Variants in LINGO2 observed in about 807,000 individuals in gnomAD.
LINGO2 encodes leucine-rich repeat and immunoglobulin-like domain-containing nogo receptor-interacting protein 2.
In LINGO2, 14 loss-of-function variants were observed where a neutral mutation model predicts 30.6. The ratio of observed to expected loss-of-function variants is 0.46; its 90% confidence interval spans 0.30 to 0.72. LINGO2 has a LOEUF of 0.72. Among genes scored for constraint, LINGO2 ranks in the 30% least tolerant of loss-of-function variants. The probability of loss-of-function intolerance (pLI) is 0.07; values close to 1 mark genes in which losing one functional copy is unlikely to be tolerated. For missense variants in LINGO2, 729 were observed against 751.7 expected (o/e 0.97, Z 0.35); for synonymous variants, 317 against 288.5 (o/e 1.10, Z -1.00).
At chr9:28,551,907 TA>T (rs1172689949) in intron 1 of LINGO2, among the ~76,000 whole-genome samples, 1 of 152,080 alleles carries the variant, frequency 6.6e-6, no homozygotes, top group African/African-American at 2.4e-5. Flanking sequence ...CATATTGATA[TA>T]AGCACTATTT....
the LINGO2 span, among the ~76,000 whole-genome samples, chr9:28,762,280 T>C: frequency 1.3e-5 from 2 of 152,072 alleles, no homozygotes; most frequent in African/African-American, 4.8e-5. Context: ...GGAGACGTAT[T>C]TATAAAGATA....
intron 2 of LINGO2, among the ~76,000 whole-genome samples, chr9:28,401,246 T>A (rs76200264): frequency 0.033 from 4,947 of 152,124 alleles, 102 homozygotes; most frequent in Middle Eastern, 0.054. Flanking sequence ...ACCATGCTGG[T>A]TTGCTGCACC....
chr9:27,996,488 T>C (rs747596983), intron 5 of LINGO2, among the ~76,000 whole-genome samples: 1 of 152,152 alleles, frequency 6.6e-6, no homozygotes, highest in East Asian at 1.9e-4. Context: ...GTAACATAGA[T>C]GGAACTGGAG....
intron 1 of LINGO2, among the ~76,000 whole-genome samples, chr9:28,523,593 G>T (rs989640240): frequency 6.6e-6 from 1 of 151,890 alleles, no homozygotes; most frequent in African/African-American, 2.4e-5. Context: ...AAAGTTGTAG[G>T]ACACAAGATC....
the LINGO2 span, among the ~76,000 whole-genome samples, chr9:28,850,519 A>G: frequency 6.6e-6 from 1 of 151,952 alleles, no homozygotes; most frequent in Non-Finnish European, 1.5e-5. Context: ...TCCATGAACT[A>G]TGGACAAAAA....
chr9:27,985,592 GA>G (rs932395908), intron 5 of LINGO2, among the ~76,000 whole-genome samples: 1 of 134,254 alleles, frequency 7.4e-6, no homozygotes, highest in African/African-American at 3.3e-5. Flanking sequence ...CAAAACACAA[GA>G]AAAAGTGTAG....
chr9:28,934,515 G>A, the LINGO2 span, among the ~76,000 whole-genome samples: 85 of 152,236 alleles, frequency 5.6e-4, no homozygotes, highest in African/African-American at 2.0e-3. Flanking sequence ...ATTTCATGCT[G>A]AGTATGATAA....
Position 28,085,832 on chromosome 9 carries a change from C to T in LINGO2, c.-86-73427G>A, listed in dbSNP as rs115799127. ...ATGAAGGGAGGCAAAGAAAGGGACG[C>T]TGGTGAGGTATTTTACTGGGCGGTA... is the stretch of plus-strand genomic sequence containing the variant. On this transcript the variant is annotated intron_variant, in intron 4 of 5. Transcript: ENST00000379992. Among the ~76,000 whole-genome samples the T allele has an allele frequency of 2.0e-3, 298 of 152,062 alleles. 1 individual carries two copies. The highest frequency in any genetic ancestry group is 6.9e-3 in the African/African-American group (285 of 41,518).
At chr9:29,135,122 A>C in the LINGO2 span, among the ~76,000 whole-genome samples, 2 of 152,198 alleles carry the variant, frequency 1.3e-5, no homozygotes, top group South Asian at 4.1e-4. Flanking sequence ...AACTCTTCAT[A>C]GCTACTGTAT....
At chr9:29,028,468 G>A in the LINGO2 span, among the ~76,000 whole-genome samples, 1 of 151,276 alleles carries the variant, frequency 6.6e-6, no homozygotes, top group Admixed American at 6.6e-5. Context: ...GACAGAGAGA[G>A]AGAGAGAAAC....
At chr9:28,569,743 T>G (rs937422564) in intron 1 of LINGO2, among the ~76,000 whole-genome samples, 2 of 151,922 alleles carry the variant, frequency 1.3e-5, no homozygotes, top group Admixed American at 6.6e-5. Context: ...TCTATGATAA[T>G]TGTATAAATA....
the LINGO2 span, among the ~76,000 whole-genome samples, chr9:28,839,032 G>T: frequency 6.6e-6 from 1 of 152,202 alleles, no homozygotes; most frequent in Non-Finnish European, 1.5e-5. Flanking sequence ...AGGGAATGAG[G>T]TGGCGCCTGG....
chr9:29,056,416 G>A, the LINGO2 span, among the ~76,000 whole-genome samples: 1 of 151,998 alleles, frequency 6.6e-6, no homozygotes, highest in African/African-American at 2.4e-5. Flanking sequence ...GTCTATTAAT[G>A]TCCTTAACCC....
intron 1 of LINGO2, among the ~76,000 whole-genome samples, chr9:28,575,141 C>G (rs937566378): frequency 6.6e-6 from 1 of 152,114 alleles, no homozygotes; most frequent in Non-Finnish European, 1.5e-5. Flanking sequence ...TGGTGGCTCA[C>G]GCCTGTAATC....
At chr9:28,631,668 C>G in intron 1 of LINGO2, among the ~76,000 whole-genome samples, 1 of 151,950 alleles carries the variant, frequency 6.6e-6, no homozygotes. Flanking sequence ...CTTGAGGAGT[C>G]CTTAGGTACA....
Position 28,531,065 on chromosome 9 carries a change from A to ATAAT in LINGO2, c.-364-55041_-364-55040insATTA, listed in dbSNP as rs202207606. 1.8e-3 allele frequency among the ~76,000 whole-genome samples: 272 copies of ATAAT among 147,128 alleles called. 3 individuals are homozygous for ATAAT. Among genetic ancestry groups the ATAAT allele is most frequent in the African/African-American group, 6.4e-3 (257 of 39,846 alleles). ...TAAAAATAAATATATATATATATATAATATATAAAATTCCAAATTAATAAG... is the reference window on the plus strand; with the variant it reads ...TAAAAATAAATATATATATATATATATAATATATATAAAATTCCAAATTAATAAG... On this transcript the variant is annotated intron_variant, in intron 1 of 5. Transcript: ENST00000379992.
At chr9:28,316,143 TTAA>T (rs1824837241) in intron 3 of LINGO2, among the ~76,000 whole-genome samples, 1 of 152,130 alleles carries the variant, frequency 6.6e-6, no homozygotes, top group Non-Finnish European at 1.5e-5. Flanking sequence ...TTGTCATATA[TTAA>T]TAATAAGCAG....
At chr9:28,664,357 T>C (rs1828707309) in intron 1 of LINGO2, among the ~76,000 whole-genome samples, 1 of 152,104 alleles carries the variant, frequency 6.6e-6, no homozygotes, top group Non-Finnish European at 1.5e-5. Context: ...AGAGCTGTGA[T>C]AAATGGGGCT....
At chr9:29,008,333 A>G in the LINGO2 span, among the ~76,000 whole-genome samples, 4 of 152,106 alleles carry the variant, frequency 2.6e-5, no homozygotes, top group Non-Finnish European at 5.9e-5. Flanking sequence ...TCATTGATAG[A>G]TATTTGGGTT....
Sources: gnomAD v4.1 joint callset for allele counts (sites outside exome capture counted in the v4.1 genomes callset) on GRCh38, gnomAD v4.1.1 for gene constraint, MANE v1.5 for transcripts, NCBI Gene and HGNC (gene_info 2026-07-23, HGNC 2026-07-21) for gene names.